The following OTOP1 variants were observed in gnomAD, a reference collection of about 807,000 sequenced individuals.
OTOP1 encodes proton channel OTOP1.
A neutral mutation model predicts 52.9 loss-of-function variants in OTOP1; 59 were observed. The observed-to-expected ratio is 1.12, with a 90% CI of 0.91 to 1.39. The LOEUF (loss-of-function observed/expected upper bound fraction) is 1.39, where lower values mean the gene tolerates loss of function less well. OTOP1 is among the 40% of genes most tolerant of loss of function. OTOP1 has a pLI of 0.00. For synonymous variants in OTOP1, 317 were observed against 337.7 expected (o/e 0.94, Z 0.67); for missense variants, 761 against 800.9 (o/e 0.95, Z 0.60).
Position 4,197,674 on chromosome 4 carries a change from C to T in OTOP1, c.1160G>A (p.Arg387His), listed in dbSNP as rs747230871. 3.0e-5 allele frequency: 49 copies of T among 1,613,536 alleles called. No individual in the cohort carries two copies. Among genetic ancestry groups the T allele is most frequent in the East Asian group, 8.9e-5 (4 of 44,874 alleles). ...KSLDESKNPA[R>H]KLDSDLLVGT... ...CACCAAGAGGTCCGAGTCCAGTTTG[C>T]GGGCCGGATTTTTGGACTCATCCAG... The change falls in exon 5 of 6, where the codon CGC becomes CAC. Residue 387 changes from arginine to histidine, a missense_variant. Transcript: ENST00000296358.
intron 5 of OTOP1, among the ~76,000 whole-genome samples, chr4:4,195,710 A>T (rs533005800): frequency 1.3e-5 from 2 of 152,328 alleles, no homozygotes; most frequent in East Asian, 3.9e-4. Context: ...GACACTGCGA[A>T]TCAAATTGCC....
chr4:4,211,130 T>C (rs1717017359), intron 2 of OTOP1, among the ~76,000 whole-genome samples: 2 of 152,210 alleles, frequency 1.3e-5, no homozygotes, highest in Admixed American at 1.3e-4. Flanking sequence ...TTAGCTTCAC[T>C]GTTTGAGAAT....
In OTOP1 at chr4:4,193,001, C is replaced by T. The variant is rs558596666; in HGVS notation, c.1669-4028G>A. 2.6e-5 allele frequency among the ~76,000 whole-genome samples: 4 copies of T among 152,256 alleles called. No homozygotes were observed. The East Asian group carries it at 7.7e-4, about 29-fold the overall frequency. On this transcript the variant is annotated intron_variant, in intron 5 of 5. Coordinates refer to ENST00000296358, the MANE Select transcript of OTOP1 (RefSeq NM_177998.3). Reference sequence around the variant, plus strand: ...TGAACGTACTTTACTTCACCACACACTTGAAAGTGGGTGCAATGGGAAAGT... The same window carrying T: ...TGAACGTACTTTACTTCACCACACATTTGAAAGTGGGTGCAATGGGAAAGT...
intron 2 of OTOP1, among the ~76,000 whole-genome samples, chr4:4,210,095 T>A (rs1426416129): frequency 6.6e-6 from 1 of 152,210 alleles, no homozygotes; most frequent in African/African-American, 2.4e-5. Context: ...GGACTGTCTC[T>A]CACCTAACTG....
intron 3 of OTOP1, among the ~76,000 whole-genome samples, chr4:4,203,325 G>T (rs1422312887): frequency 2.0e-5 from 3 of 152,242 alleles, no homozygotes; most frequent in Admixed American, 6.5e-5. Flanking sequence ...ACTGAGGATG[G>T]CAGAGTGGAA....
intron 1 of OTOP1, among the ~76,000 whole-genome samples, chr4:4,224,593 T>C (rs1448707720): frequency 1.4e-4 from 22 of 152,206 alleles, no homozygotes; most frequent in Admixed American, 1.4e-3. Flanking sequence ...TTGTTTTAAA[T>C]AGCACCAGAT....
intron 2 of OTOP1, among the ~76,000 whole-genome samples, chr4:4,207,362 G>T (rs934653966): frequency 6.6e-6 from 1 of 152,126 alleles, no homozygotes; most frequent in Admixed American, 6.6e-5. Flanking sequence ...TGAAAAACTT[G>T]TAATAGAAAA....
intron 1 of OTOP1, among the ~76,000 whole-genome samples, chr4:4,223,444 T>TGGTG: frequency 7.3e-6 from 1 of 137,292 alleles, no homozygotes; most frequent in South Asian, 2.4e-4. Flanking sequence ...GATGGATGGA[T>TGGTG]GATGAATAAG....
At chr4:4,224,082 C>T (rs1717365966) in intron 1 of OTOP1, among the ~76,000 whole-genome samples, 1 of 151,602 alleles carries the variant, frequency 6.6e-6, no homozygotes, top group Non-Finnish European at 1.5e-5. Flanking sequence ...GGCATGGTGG[C>T]TCACACCTGT....
At chr4:4,204,755 T>C (rs1172577238) in intron 3 of OTOP1, among the ~76,000 whole-genome samples, 1 of 151,570 alleles carries the variant, frequency 6.6e-6, no homozygotes, top group African/African-American at 2.4e-5. Flanking sequence ...TGTGTGCGTG[T>C]GCATGGTGCT....
At chr4:4,214,300 A>G (rs1371953590) in intron 1 of OTOP1, among the ~76,000 whole-genome samples, 2 of 152,190 alleles carry the variant, frequency 1.3e-5, no homozygotes, top group South Asian at 2.1e-4. Context: ...AAAGAAAATA[A>G]TAGAAAATAG....
rs897246499 is a variant in OTOP1, at chr4:4,226,892, C to T, written c.-28G>A. 5.5e-5 allele frequency: 72 copies of T among 1,300,860 alleles called. No homozygotes were observed. Among genetic ancestry groups the T allele is most frequent in the Non-Finnish European group, 6.7e-5 (69 of 1,027,608 alleles). The allele number at this position is 1,300,860 out of a possible 1,614,324, so 80.6% of individuals were successfully genotyped here. A position where few individuals can be genotyped will look rare whatever the true frequency, so the allele number is the denominator to read the frequency against. ...TCGAGACACCCGCGCCAAGTCTGGT[C>T]CCGGGGGTGGCTGCCGTCGGGCCCC... On this transcript the variant is annotated 5_prime_UTR_variant, in exon 1 of 6. Coordinates refer to ENST00000296358, the MANE Select transcript of OTOP1 (RefSeq NM_177998.3).
chr4:4,220,126 G>C (rs1340151772), intron 1 of OTOP1, among the ~76,000 whole-genome samples: 1 of 122,036 alleles, frequency 8.2e-6, no homozygotes, highest in East Asian at 2.3e-4. Flanking sequence ...TTTTGAGATG[G>C]AGTTTCACTC....
chr4:4,216,962 C>A (rs113166970), intron 1 of OTOP1, among the ~76,000 whole-genome samples: 2 of 152,206 alleles, frequency 1.3e-5, no homozygotes, highest in Non-Finnish European at 2.9e-5. Context: ...GTTTCTGATT[C>A]AGCAGGTGTG....
At chr4:4,200,723 C>CTCTT (rs1716764649) in intron 4 of OTOP1, among the ~76,000 whole-genome samples, 2 of 106,518 alleles carry the variant, frequency 1.9e-5, no homozygotes, top group South Asian at 3.4e-4. Context: ...GCATGCCTGC[C>CTCTT]TTTTTTTTTT....
In OTOP1 at chr4:4,213,608, G is replaced by A. The variant is rs533896559; in HGVS notation, c.404-604C>T. On this transcript the variant is annotated intron_variant, in intron 1 of 5. Transcript: ENST00000296358. ...AGTTTATTTTACTTCGCATAATGTC[G>A]TCATGGCTCATCCATACTGTATCGT... Among the ~76,000 whole-genome samples, 160 of 152,176 alleles carry A rather than the reference G, an allele frequency of 1.1e-3. 2 individuals are homozygous for A. Among genetic ancestry groups the A allele is most frequent in the African/African-American group, 3.5e-3 (145 of 41,506 alleles).
At chr4:4,219,473 G>A (rs537869062) in intron 1 of OTOP1, among the ~76,000 whole-genome samples, 8 of 152,006 alleles carry the variant, frequency 5.3e-5, no homozygotes, top group African/African-American at 1.4e-4. Context: ...AGGCCGAGGC[G>A]GGCGGATCAG....
At chr4:4,206,200 G>C (rs1322226686) in intron 2 of OTOP1, 70 bp from the exon 3 acceptor site, 1 of 1,288,782 alleles carries the variant, frequency 7.8e-7, no homozygotes, top group African/African-American at 1.5e-5. Context: ...AACTTGAGAA[G>C]CTATAAAACT....
In OTOP1 at chr4:4,201,597, C is replaced by T. The variant is rs1342068821; in HGVS notation, c.730+851G>A. ...GGCTGCTGGTTGGGGGTGGTGACTT[C>T]GTTGTCTCCACCCCACTGATGATGA... On this transcript the variant is annotated intron_variant, in intron 4 of 5. Transcript: ENST00000296358. 2.6e-5 allele frequency among the ~76,000 whole-genome samples: 4 copies of T among 151,980 alleles called. No homozygotes were observed. In the East Asian group the frequency reaches 7.7e-4, roughly 29 times the overall value.
Sources: allele counts gnomAD v4.1 joint callset (sites outside exome capture counted in the v4.1 genomes callset), GRCh38; gene constraint gnomAD v4.1.1; transcripts MANE v1.5; gene names NCBI Gene and HGNC (gene_info 2026-07-23, HGNC 2026-07-21).